The following SAAL1 variants were observed in gnomAD, a reference collection of about 807,000 sequenced individuals.
SAAL1 encodes the protein serum amyloid A like 1, also known as protein SAAL1.
Under a neutral mutation model 59.8 loss-of-function variants are expected in SAAL1, and 42 were observed. The ratio of observed to expected loss-of-function variants is 0.70; its 90% CI spans 0.55 to 0.91. SAAL1 has a LOEUF of 0.91. Ranked by LOEUF, SAAL1 falls within the 40% of genes least tolerant of loss-of-function variation. The probability of loss-of-function intolerance (pLI) is 0.00; values close to 1 mark genes in which losing one functional copy is unlikely to be tolerated. For missense variants in SAAL1, 542 were observed against 561.1 expected, an observed-to-expected ratio of 0.97 and a Z score of 0.34; for synonymous variants, 191 against 194.3, an observed-to-expected ratio of 0.98 and a Z score of 0.14.
At chr11:18,092,857 T>C (rs1049722390) in intron 3 of SAAL1, among the ~76,000 whole-genome samples, 2 of 152,312 alleles carry the variant, frequency 1.3e-5, no homozygotes, top group East Asian at 3.9e-4. Flanking sequence ...GACAACATAC[T>C]GAAACAGTAT....
At chr11:18,084,631 G>A (rs1334652108) in intron 9 of SAAL1, among the ~76,000 whole-genome samples, 1 of 152,198 alleles carries the variant, frequency 6.6e-6, no homozygotes, top group East Asian at 1.9e-4. Context: ...CCTAAGGACT[G>A]TACTCAATGC....
chr11:18,086,796 T>A (rs537828002), intron 9 of SAAL1, 70 bp downstream of exon 9: 1 of 1,047,840 alleles, frequency 9.5e-7, no homozygotes, highest in African/African-American at 1.6e-5. Context: ...ATTAGGGAAA[T>A]GAAAGCATTT....
intron 3 of SAAL1, 81 bp from the exon 4 acceptor site, chr11:18,092,405 C>A: frequency 1.1e-6 from 1 of 919,472 alleles, no homozygotes; most frequent in Non-Finnish European, 1.8e-6. Flanking sequence ...CAAAAACTTT[C>A]GCTGAGCCAA....
At chr11:18,087,376 G>A (rs771487040) in intron 7 of SAAL1, 151 bp from the exon 8 acceptor site, 7 of 538,884 alleles carry the variant, frequency 1.3e-5, no homozygotes, top group South Asian at 6.3e-5. Context: ...CTCTGTGTTC[G>A]TTAGAGCTTT....
intron 3 of SAAL1, among the ~76,000 whole-genome samples, chr11:18,094,232 C>A (rs1848550640): frequency 6.6e-6 from 1 of 152,006 alleles, no homozygotes; most frequent in Non-Finnish European, 1.5e-5. Context: ...TACAGCTGAC[C>A]CTTGAACACA....
intron 2 of SAAL1, among the ~76,000 whole-genome samples, chr11:18,097,111 C>A (rs1379114517): frequency 6.6e-6 from 1 of 152,028 alleles, no homozygotes; most frequent in African/African-American, 2.4e-5. Context: ...GCGGCATGCA[C>A]CTGTAGTCCC....
chr11:18,100,772 G>A lies in SAAL1; in HGVS notation c.249+2461C>T, dbSNP rs551628049. Among the ~76,000 whole-genome samples the A allele has an allele frequency of 1.8e-4, 27 of 152,268 alleles. 1 individual carries two copies. In the South Asian group the frequency reaches 3.7e-3, roughly 21 times the overall value. Reference sequence around the variant, plus strand: ...AAAAGCAATTAGTGGAGAAAGGATCGTCTTTTCAACAAATGAACTTGAACA... The same window carrying A: ...AAAAGCAATTAGTGGAGAAAGGATCATCTTTTCAACAAATGAACTTGAACA... On this transcript the variant is annotated intron_variant, in intron 2 of 11. Coordinates refer to ENST00000524803, the MANE Select transcript of SAAL1 (RefSeq NM_138421.3).
intron 2 of SAAL1, among the ~76,000 whole-genome samples, chr11:18,099,838 C>T (rs1848616481): frequency 6.6e-6 from 1 of 152,200 alleles, no homozygotes; most frequent in Non-Finnish European, 1.5e-5. Flanking sequence ...ATCTGGAGGT[C>T]TCTGGTCCTC....
At chr11:18,103,803 G>A (rs1056247508) in intron 1 of SAAL1, among the ~76,000 whole-genome samples, 1 of 152,152 alleles carries the variant, frequency 6.6e-6, no homozygotes, top group Non-Finnish European at 1.5e-5. Context: ...ATAGAGATGC[G>A]TGACAATAAT....
intron 10 of SAAL1, among the ~76,000 whole-genome samples, chr11:18,082,476 T>C (rs11024467): frequency 0.42 from 63,008 of 149,952 alleles, 13,711 homozygotes; most frequent in African/African-American, 0.54. Flanking sequence ...ATGGCCATCA[T>C]GACTTAGCCA....
intron 1 of SAAL1, among the ~76,000 whole-genome samples, chr11:18,104,940 ATAGG>A (rs1389164530): frequency 6.6e-6 from 1 of 152,156 alleles, no homozygotes; most frequent in Non-Finnish European, 1.5e-5. Context: ...AGGATAGACA[ATAGG>A]AGGAGAGGAA....
intron 9 of SAAL1, among the ~76,000 whole-genome samples, chr11:18,086,232 G>A (rs1385836668): frequency 1.3e-5 from 2 of 151,680 alleles, no homozygotes; most frequent in Non-Finnish European, 2.9e-5. Flanking sequence ...GTGAGACCCT[G>A]TCTCTATAAA....
chr11:18,082,809 T>C (rs1255308613), intron 10 of SAAL1, among the ~76,000 whole-genome samples: 5 of 152,104 alleles, frequency 3.3e-5, no homozygotes, highest in Non-Finnish European at 7.4e-5. Context: ...TTTTTGTATT[T>C]TTTGTAGAGA....
chr11:18,081,507 AAAC>A lies in SAAL1; in HGVS notation c.1240-7_1240-5del, dbSNP rs373727656. On this transcript the variant is annotated splice_region_variant and splice_polypyrimidine_tract_variant and intron_variant, in intron 10 of 11. Transcript: ENST00000524803. ...TTACTCCCTGAGCCACCGTCTCCTA[AAAC>A]AACAACAAGATTTAATGTCAAAAAA... 5.3e-5 allele frequency: 85 copies of A among 1,613,016 alleles called. No homozygotes were observed. Among genetic ancestry groups the A allele is most frequent in the East Asian group, 1.1e-4 (5 of 44,876 alleles).
chr11:18,083,858 G>A, intron 9 of SAAL1, 127 bp from the exon 10 acceptor site: 1 of 500,988 alleles, frequency 2.0e-6, no homozygotes, highest in Non-Finnish European at 3.5e-6. Context: ...TCAGCAAGAT[G>A]TCAGCCCATA....
chr11:18,105,454 TG>T (rs111856866), intron 1 of SAAL1, among the ~76,000 whole-genome samples: 7,751 of 150,568 alleles, frequency 0.051, 651 homozygotes, highest in African/African-American at 0.18. Context: ...ATTACAGAGG[TG>T]AGCCACCGCG....
rs1261899662 is a variant in SAAL1 at position 18,090,436 on chromosome 11, G to A, written c.471C>T (p.Ser157=). 1 of 1,606,710 alleles carries A rather than the reference G, an allele frequency of 6.2e-7. No individual in the cohort carries two copies. ...AATTCATAAAAGGAAAAGCATACCT[G>A]CTTGTTTCCAGCAGAGTAGGTGGGT... ...DSDPPTLLET[S]RLLLTCLSQA... is the part of the protein sequence containing the mutation. Residue 157 remains serine (S), a splice_region_variant and synonymous_variant, in exon 5 of 12, where the codon AGC becomes AGT. Coordinates refer to ENST00000524803, the MANE Select transcript of SAAL1 (RefSeq NM_138421.3).
rs1156257186 is a variant in SAAL1, at chr11:18,091,079, A to G, written c.414-586T>C. Reference sequence around the variant, plus strand: ...ATAACACAATTTATTTTTCCAGACTACTGTTGATGGACATTTCTGTTGATT... The same window carrying G: ...ATAACACAATTTATTTTTCCAGACTGCTGTTGATGGACATTTCTGTTGATT... On this transcript the variant is annotated intron_variant, in intron 4 of 11. Coordinates refer to ENST00000524803, the MANE Select transcript of SAAL1 (RefSeq NM_138421.3). 2.6e-5 allele frequency: 4 copies of G among 152,278 alleles called. No homozygotes were observed. The East Asian group carries it at 5.8e-4, about 22-fold the overall frequency. 9.4% of individuals were successfully genotyped at this position (152,278 alleles called of 1,614,324 possible).
intron 2 of SAAL1, 41 bp from the exon 3 acceptor site, chr11:18,096,895 C>A (rs557080042): frequency 9.9e-7 from 1 of 1,005,160 alleles, no homozygotes; most frequent in East Asian, 2.4e-5. Flanking sequence ...GTTGAATATT[C>A]CTCCCTAAAC....
Sources: gnomAD v4.1 joint callset for allele counts (sites outside exome capture counted in the v4.1 genomes callset) on GRCh38, gnomAD v4.1.1 for gene constraint, MANE v1.5 for transcripts, NCBI Gene and HGNC (gene_info 2026-07-23, HGNC 2026-07-21) for gene names.